Variants in MMP27 observed in about 807,000 individuals in gnomAD.
The protein encoded by MMP27 is matrix metalloproteinase-27.
Under a neutral mutation model 48.1 loss-of-function variants are expected in MMP27, and 51 were observed. The ratio of observed to expected loss-of-function variants is 1.06; its 90% CI spans 0.85 to 1.34. MMP27 has a LOEUF of 1.34. Ranked by LOEUF, MMP27 falls within the 40% of genes most tolerant of loss-of-function variation. The probability of loss-of-function intolerance (pLI) is 0.00; values close to 1 mark genes in which losing one functional copy is unlikely to be tolerated. For missense variants in MMP27, 698 were observed against 619.3 expected (o/e 1.13, Z -1.35); for synonymous variants, 229 against 208.9 (o/e 1.10, Z -0.83).
In MMP27 at chr11:102,696,451, A is replaced by T. The variant is rs781173421; in HGVS notation, c.822T>A (p.Thr274=). 4 of 1,613,870 alleles carry T rather than the reference A, an allele frequency of 2.5e-6. No homozygotes were observed. Among genetic ancestry groups the T allele is most frequent in the Non-Finnish European group, 3.4e-6 (4 of 1,179,832 alleles). Residue 274 remains threonine, a synonymous_variant, in exon 6 of 10, where the codon ACT becomes ACA. Coordinates refer to ENST00000260229, the MANE Select transcript of MMP27 (RefSeq NM_022122.3). ...PKEPAKPKEP[T]IPHACDPDLT... ...AGTCAGGGTCACAGGCATGGGGTAT[A>T]GTGGGTTCCTTTGGCTTAGCAGGTT...
chr11:102,698,003 T>C (rs1860863370), intron 4 of MMP27, among the ~76,000 whole-genome samples: 1 of 152,192 alleles, frequency 6.6e-6, no homozygotes, highest in African/African-American at 2.4e-5. Flanking sequence ...AGGATAACGA[T>C]GCCTTCTTCT....
intron 9 of MMP27, 75 bp from the exon 10 acceptor site, chr11:102,692,085 T>A: frequency 7.5e-7 from 1 of 1,328,450 alleles, no homozygotes. Flanking sequence ...TTTATAAACA[T>A]GGAAAAAAAT....
chr11:102,691,927 T>G lies in MMP27; in HGVS notation c.1381A>C (p.Thr461Pro), dbSNP rs1243401012. The stretch of plus-strand genomic sequence containing the variant: ...TTTGGTTCTTTGCATTGAAACCAAG[T>G]ATTAGTTCTCATGATTCGGGTAATA... ...KNITRIMRTNTWFQCKEPKNS... is the reference protein window; with the variant it reads ...KNITRIMRTNPWFQCKEPKNS... Residue 461 changes from threonine (T) to proline (P), a missense_variant, in exon 10 of 10, where the codon ACT becomes CCT. Coordinates refer to ENST00000260229, the MANE Select transcript of MMP27 (RefSeq NM_022122.3). 8 of 1,613,558 alleles carry G rather than the reference T, an allele frequency of 5.0e-6. No individual in the cohort carries two copies. Among genetic ancestry groups the G allele is most frequent in the Non-Finnish European group, 6.8e-6 (8 of 1,179,760 alleles).
In MMP27 at chr11:102,703,020, G is replaced by C. The variant is rs774601852; in HGVS notation, c.440C>G (p.Thr147Ser). The change falls in exon 3 of 10, where the codon ACC becomes AGC. Residue 147 changes from threonine to serine, a missense_variant. Coordinates refer to ENST00000260229, the MANE Select transcript of MMP27 (RefSeq NM_022122.3). ...GTCTGCAATCCCCTTTGAAATCTTG[G>C]TGAATTTTAGTGGAGTGACTTTGCT... ...VWSKVTPLKF[T>S]KISKGIADIM... is the part of the protein sequence containing the mutation. 34 of 1,614,028 alleles carry C rather than the reference G, an allele frequency of 2.1e-5. No homozygotes were observed. The highest frequency in any genetic ancestry group is 1.7e-6 in the Non-Finnish European group (2 of 1,180,014).
chr11:102,692,094 A>G, intron 9 of MMP27, 84 bp from the exon 10 acceptor site: 1 of 1,291,502 alleles, frequency 7.7e-7, no homozygotes, highest in South Asian at 1.8e-5. Context: ...ATGGAAAAAA[A>G]TAACATTATG....
rs369945258 is a variant in MMP27 at position 102,694,018 on chromosome 11, G to T, written c.1081C>A (p.Pro361Thr). The change falls in exon 8 of 10, where the codon CCC becomes ACC. Residue 361 changes from proline to threonine, a missense_variant. Coordinates refer to ENST00000260229, the MANE Select transcript of MMP27 (RefSeq NM_022122.3). The stretch of plus-strand genomic sequence containing the variant: ...AAACCTAATGTATGGATGGATTTGG[G>T]ATAATCTGGCAAGACAGCATATCCT... Reference protein sequence around the residue: ...IRGYAVLPDYPKSIHTLGFPG... With the variant: ...IRGYAVLPDYTKSIHTLGFPG... 6.2e-7 allele frequency: 1 copy of T among 1,607,994 alleles called. No individual in the cohort carries two copies. Among genetic ancestry groups the T allele is most frequent in the African/African-American group, 1.3e-5 (1 of 74,626 alleles).
chr11:102,693,185 A>G (rs950981621), intron 8 of MMP27, 144 bp from the exon 9 acceptor site: 3 of 582,048 alleles, frequency 5.2e-6, no homozygotes, highest in Admixed American at 3.2e-5. Flanking sequence ...TAATAAAAAT[A>G]CAGTAAAGAT....
rs1455513200 is a variant in MMP27 at position 102,691,861 on chromosome 11, G to A, written c.1447C>T (p.His483Tyr). 4 of 1,613,390 alleles carry A rather than the reference G, an allele frequency of 2.5e-6. No homozygotes were observed. The highest frequency in any genetic ancestry group is 2.2e-5 in the East Asian group (1 of 44,742). Reference protein sequence around the residue: ...FGFDINKEKAHSGGIKILYHK... With the variant: ...FGFDINKEKAYSGGIKILYHK... ...TACAATATCTTTATGCCTCCTGAAT[G>A]TGCTTTTTCCTTGTTGATATCAAAA... is the stretch of plus-strand genomic sequence containing the variant. The change falls in exon 10 of 10, where the codon CAT (histidine) becomes TAT (tyrosine). Residue 483 changes from histidine to tyrosine, a missense_variant. His to Tyr is a moderately conservative substitution (Grantham distance 83). Coordinates refer to ENST00000260229, the MANE Select transcript of MMP27 (RefSeq NM_022122.3).
At chr11:102,697,579 G>A (rs1032488657) in intron 4 of MMP27, among the ~76,000 whole-genome samples, 7 of 151,916 alleles carry the variant, frequency 4.6e-5, no homozygotes, top group Non-Finnish European at 7.4e-5. Flanking sequence ...ACAGCTCACT[G>A]CAGCTTCAAA....
chr11:102,691,604 A>G lies in MMP27; in HGVS notation c.*162T>C, dbSNP rs75133712. The G allele has an allele frequency of 7.5e-4, 441 of 586,548 alleles. No homozygotes were observed. The African/African-American group carries it at 7.8e-3, about 10-fold the overall frequency. The allele number at this position is 586,548 out of a possible 1,614,324, so 36.3% of individuals were successfully genotyped here. A position where few individuals can be genotyped will look rare whatever the true frequency, so the allele number is the denominator to read the frequency against. ...TACAGTCAGAGATTTTTGTTTCTAC[A>G]TAATAACTTCCTATTAAAAGAATCA... is the stretch of plus-strand genomic sequence containing the variant. On this transcript the variant is annotated 3_prime_UTR_variant, in exon 10 of 10. Coordinates refer to ENST00000260229, the MANE Select transcript of MMP27 (RefSeq NM_022122.3).
chr11:102,702,691 C>T (rs1327885935), intron 4 of MMP27, 62 bp downstream of exon 4: 3 of 1,522,004 alleles, frequency 2.0e-6, no homozygotes, highest in African/African-American at 2.8e-5. Flanking sequence ...AGTTACAAAG[C>T]TATTCTTTTC....
chr11:102,703,346 AC>A (rs1454537966), intron 2 of MMP27, among the ~76,000 whole-genome samples: 3 of 152,206 alleles, frequency 2.0e-5, no homozygotes, highest in Non-Finnish European at 4.4e-5. Context: ...TAACACTTCA[AC>A]AAAGGAGGCT....
chr11:102,691,843 T>C lies in MMP27; in HGVS notation c.1465A>G (p.Ile489Val), dbSNP rs533615371. Reference sequence around the variant, plus strand: ...AAGCTTAAACTCTTATGATACAATATCTTTATGCCTCCTGAATGTGCTTTT... The same window carrying C: ...AAGCTTAAACTCTTATGATACAATACCTTTATGCCTCCTGAATGTGCTTTT... ...KEKAHSGGIK[I>V]LYHKSLSLFI... The change falls in exon 10 of 10, where the codon ATA becomes GTA. Residue 489 changes from isoleucine (I) to valine (V), a missense_variant. Ile to Val is a conservative substitution (Grantham distance 29). Transcript: ENST00000260229. 1.9e-5 allele frequency: 30 copies of C among 1,613,018 alleles called. 1 individual carries two copies. The East Asian group carries it at 2.5e-4, about 13-fold the overall frequency.
At chr11:102,699,112 T>C (rs1860888673) in intron 4 of MMP27, among the ~76,000 whole-genome samples, 1 of 152,186 alleles carries the variant, frequency 6.6e-6, no homozygotes, top group African/African-American at 2.4e-5. Flanking sequence ...CCAGGCATGT[T>C]AGAATTGCCT....
intron 4 of MMP27, among the ~76,000 whole-genome samples, chr11:102,698,738 C>T (rs1320308992): frequency 1.3e-5 from 2 of 152,182 alleles, no homozygotes; most frequent in East Asian, 1.9e-4. Context: ...ATACCTTTGT[C>T]TCTTTGCTAA....
At position 102,696,555 on chromosome 11, in the gene MMP27, G is replaced by A. The variant is rs960552349; in HGVS notation, c.782-64C>T. The A allele has an allele frequency of 6.3e-6, 10 of 1,590,270 alleles. No homozygotes were observed. The Admixed American group carries it at 7.2e-5, about 12-fold the overall frequency. On this transcript the variant is annotated intron_variant, in intron 5 of 9. Coordinates refer to ENST00000260229, the MANE Select transcript of MMP27 (RefSeq NM_022122.3). ...GCATGAAGAAATATGCCTACACAAG[G>A]GTCTTACCTAAGTGGATATTTGCTT...
intron 4 of MMP27, among the ~76,000 whole-genome samples, chr11:102,700,188 C>T (rs1203739008): frequency 6.6e-6 from 1 of 152,152 alleles, no homozygotes; most frequent in African/African-American, 2.4e-5. Context: ...AATAAATGAT[C>T]ATTGAGTGAC....
At chr11:102,694,158 T>C in intron 7 of MMP27, 93 bp from the exon 8 acceptor site, 3 of 863,848 alleles carry the variant, frequency 3.5e-6, no homozygotes. Context: ...TCCTTTTAGC[T>C]TCAGTGCTTA....
intron 2 of MMP27, among the ~76,000 whole-genome samples, chr11:102,704,079 C>A (rs1454097124): frequency 6.6e-6 from 1 of 152,116 alleles, no homozygotes; most frequent in South Asian, 2.1e-4. Context: ...AGGGAAACAC[C>A]CTACTTTGCT....
Sources: allele counts gnomAD v4.1 joint callset (sites outside exome capture counted in the v4.1 genomes callset), GRCh38; gene constraint gnomAD v4.1.1; transcripts MANE v1.5; gene names NCBI Gene and HGNC (gene_info 2026-07-23, HGNC 2026-07-21).